NBAS: variants seen among roughly 807,000 people sequenced by gnomAD.
NBAS encodes NBAS subunit of NRZ tethering complex, also known as NAG/BC035112 fusion.
A neutral mutation model predicts 302.5 loss-of-function variants in NBAS; 219 were observed. The observed-to-expected ratio is 0.72, with a 90% CI of 0.65 to 0.81. NBAS has a LOEUF of 0.81. NBAS is among the 30% of genes least tolerant of loss of function. The probability of loss-of-function intolerance (pLI) is 0.00; values close to 1 mark genes in which losing one functional copy is unlikely to be tolerated. For missense variants in NBAS, 2,932 were observed against 2,841.6 expected, an observed-to-expected ratio of 1.03 and a Z score of -0.72; for synonymous variants, 1,118 against 1,021.6, an observed-to-expected ratio of 1.09 and a Z score of -1.80.
chr2:15,004,012 A>G, the NBAS span, among the ~76,000 whole-genome samples: 1 of 152,232 alleles, frequency 6.6e-6, no homozygotes, highest in Admixed American at 6.5e-5. Flanking sequence ...CCGTAAAAAA[A>G]TTGGACATAC....
At chr2:15,101,495 A>ATTAG in the NBAS span, among the ~76,000 whole-genome samples, 3 of 151,760 alleles carry the variant, frequency 2.0e-5, no homozygotes, top group African/African-American at 7.3e-5. Context: ...ATGCATGTAA[A>ATTAG]TAACCCATAT....
At chr2:15,151,136 G>GAATT in the NBAS span, among the ~76,000 whole-genome samples, 3 of 152,194 alleles carry the variant, frequency 2.0e-5, no homozygotes, top group Non-Finnish European at 4.4e-5. Flanking sequence ...ATTCCACAGG[G>GAATT]AATTCTCTGT....
intron 42 of NBAS, among the ~76,000 whole-genome samples, chr2:15,278,345 C>T (rs999692966): frequency 6.6e-6 from 1 of 152,116 alleles, no homozygotes; most frequent in Non-Finnish European, 1.5e-5. Context: ...ATAAATATGT[C>T]CCCAGTCTAT....
At chr2:15,268,948 A>T (rs546858802) in intron 44 of NBAS, among the ~76,000 whole-genome samples, 1 of 152,244 alleles carries the variant, frequency 6.6e-6, no homozygotes, top group Non-Finnish European at 1.5e-5. Context: ...CACAAAATTC[A>T]GGGAGAAGCA....
At chr2:14,929,156 G>A in the NBAS span, among the ~76,000 whole-genome samples, 1 of 152,118 alleles carries the variant, frequency 6.6e-6, no homozygotes, top group Non-Finnish European at 1.5e-5. Flanking sequence ...CCCCATCCCA[G>A]ACTTACTGAA....
chr2:15,247,022 C>G (rs11892083), intron 44 of NBAS, among the ~76,000 whole-genome samples: 35,777 of 152,092 alleles, frequency 0.24, 4,625 homozygotes, highest in Middle Eastern at 0.37. Flanking sequence ...AAGGTGACAT[C>G]TCCAAGGAGA....
chr2:15,478,215 G>GGTTTCAATTATCACATTTCA lies in NBAS; in HGVS notation c.1147+10_1147+11insTGAAATGTGATAATTGAAAC, dbSNP rs1680272869. On this transcript the variant is annotated intron_variant, in intron 13 of 51. Coordinates refer to ENST00000281513, the MANE Select transcript of NBAS (RefSeq NM_015909.4). ...ATTAAGGTTTCAATTATCACATTTC[G>GGTTTCAATTATCACATTTCA]TAGAACTCACCTTTGATTTTTTTTC... The GGTTTCAATTATCACATTTCA allele has an allele frequency of 6.4e-7, 1 of 1,558,122 alleles. No individual in the cohort carries two copies. Among genetic ancestry groups the GGTTTCAATTATCACATTTCA allele is most frequent in the Non-Finnish European group, 8.9e-7 (1 of 1,129,838 alleles).
chr2:15,351,870 GCACACACACACA>G (rs10605991), intron 35 of NBAS, 110 bp downstream of exon 35: 42,461 of 627,622 alleles, frequency 0.068, 4 homozygotes, highest in Non-Finnish European at 0.086. Context: ...TGGTCTGCAT[GCACACACACACA>G]CACACACACA....
chr2:14,827,402 T>C, the NBAS span, among the ~76,000 whole-genome samples: 1 of 152,240 alleles, frequency 6.6e-6, no homozygotes, highest in Non-Finnish European at 1.5e-5. Flanking sequence ...CACATTTGTG[T>C]AGACATGAGT....
intron 42 of NBAS, among the ~76,000 whole-genome samples, chr2:15,285,146 C>T (rs1282793184): frequency 2.6e-5 from 4 of 152,094 alleles, no homozygotes; most frequent in Non-Finnish European, 4.4e-5. Flanking sequence ...AAATGACGTC[C>T]ATGCAATATT....
chr2:14,918,266 G>A, the NBAS span, among the ~76,000 whole-genome samples: 1 of 149,296 alleles, frequency 6.7e-6, no homozygotes, highest in Non-Finnish European at 1.5e-5. Context: ...GCATTGACAT[G>A]AGGATGTAAA....
chr2:15,288,847 G>A (rs1056165128), intron 41 of NBAS, among the ~76,000 whole-genome samples: 2 of 152,202 alleles, frequency 1.3e-5, no homozygotes, highest in African/African-American at 4.8e-5. Context: ...GCCAGGGGCT[G>A]GCAAACGTTT....
At chr2:15,231,083 A>G (rs1006849353) in intron 47 of NBAS, among the ~76,000 whole-genome samples, 1 of 152,204 alleles carries the variant, frequency 6.6e-6, no homozygotes, top group African/African-American at 2.4e-5. Context: ...CTCCCGCGCA[A>G]GACTGTGAGC....
rs66796218 is a variant in NBAS at position 15,406,115 on chromosome 2, AC to A, written c.2938-3815del. 4.8e-3 allele frequency among the ~76,000 whole-genome samples: 683 copies of A among 142,756 alleles called. 13 individuals carry two copies. The highest frequency in any genetic ancestry group is 0.016 in the African/African-American group (602 of 36,508). The allele number at this position is 142,756 out of a possible 152,430, so 93.7% of individuals were successfully genotyped here. On this transcript the variant is annotated intron_variant, in intron 25 of 51. Transcript: ENST00000281513. ...ATACAATAACATGTAAAAAAAAAAAACAAAACAAAAAAACATGAGGAAAAAA... is the reference window on the plus strand; with the variant it reads ...ATACAATAACATGTAAAAAAAAAAAAAAAACAAAAAAACATGAGGAAAAAA...
the NBAS span, among the ~76,000 whole-genome samples, chr2:14,793,627 G>A: frequency 6.6e-6 from 1 of 152,068 alleles, no homozygotes; most frequent in African/African-American, 2.4e-5. Context: ...CAGAGAAGGA[G>A]AATGGAGTGG....
At chr2:14,929,534 C>T in the NBAS span, among the ~76,000 whole-genome samples, 5 of 152,110 alleles carry the variant, frequency 3.3e-5, 1 homozygote, top group Admixed American at 3.3e-4. Flanking sequence ...TGCGCCACCA[C>T]ACCCAGCCAA....
chr2:15,520,200 G>C (rs944149881), intron 9 of NBAS, among the ~76,000 whole-genome samples: 1 of 152,148 alleles, frequency 6.6e-6, no homozygotes, highest in Admixed American at 6.5e-5. Context: ...CCAAGAGTTA[G>C]AGACCAGCTT....
At chr2:15,163,945 C>T (rs901632509), downstream of NBAS, among the ~76,000 whole-genome samples, 5 of 152,050 alleles carry the variant, frequency 3.3e-5, no homozygotes, top group South Asian at 2.1e-4. Context: ...TATAGGCGTG[C>T]GCCACCACGC....
At chr2:14,821,022 C>T in the NBAS span, among the ~76,000 whole-genome samples, 15 of 152,192 alleles carry the variant, frequency 9.9e-5, no homozygotes, top group African/African-American at 2.9e-4. Flanking sequence ...CTCCGCCTCC[C>T]GGATTCACAC....
Sources: gnomAD v4.1 joint callset for allele counts (sites outside exome capture counted in the v4.1 genomes callset) on GRCh38, gnomAD v4.1.1 for gene constraint, MANE v1.5 for transcripts, NCBI Gene and HGNC (gene_info 2026-07-23, HGNC 2026-07-21) for gene names.